The following ARHGAP36 variants were observed in gnomAD, a reference collection of about 807,000 sequenced individuals.
ARHGAP36 encodes the protein rho GTPase-activating protein 36.
Under a neutral mutation model 32.9 loss-of-function variants are expected in ARHGAP36, and 7 were observed. The observed-to-expected ratio is 0.21, with a 90% CI of 0.12 to 0.40. The LOEUF (loss-of-function observed/expected upper bound fraction) is 0.40. Among genes scored for constraint, ARHGAP36 ranks in the 10% least tolerant of loss-of-function variants. ARHGAP36 has a pLI of 1.00. For missense variants in ARHGAP36, 383 were observed against 442.2 expected (o/e 0.87, Z 1.20); for synonymous variants, 165 against 168.3 (o/e 0.98, Z 0.15).
chrX:131,083,322 C>T (rs752433757), intron 3 of ARHGAP36, 92 bp downstream of exon 3: 80 of 910,515 alleles, frequency 8.8e-5, no homozygotes, highest in Non-Finnish European at 8.3e-5. Flanking sequence ...GGGTGGCGTC[C>T]ACTGTCCCAG....
chrX:131,073,309 G>A (rs1417890721), intron 1 of ARHGAP36, among the ~76,000 whole-genome samples: 1 of 112,867 alleles, frequency 8.9e-6, no homozygotes, highest in Non-Finnish European at 1.9e-5. Flanking sequence ...CAGGACCCGC[G>A]CAGCGCACCT....
At chrX:131,061,389 G>A (rs1321588252) in intron 1 of ARHGAP36, among the ~76,000 whole-genome samples, 1 of 110,582 alleles carries the variant, frequency 9.0e-6, no homozygotes, top group Non-Finnish European at 1.9e-5. Flanking sequence ...CTGAGGTCTG[G>A]GAGGAATGAG....
chrX:131,081,642 C>T lies in ARHGAP36; in HGVS notation c.-24C>T, dbSNP rs1952116489. The T allele has an allele frequency of 8.6e-7, 1 of 1,163,323 alleles. No individual in the cohort carries two copies. On this transcript the variant is annotated 5_prime_UTR_variant, in exon 2 of 12. Transcript: ENST00000276211. ...GTCCAGTGACAATTGGATGATGCAG[C>T]CTTGATAATCATCCGATTCCAGAAT...
chrX:131,084,621 T>A lies in ARHGAP36; in HGVS notation c.749-5T>A. The A allele has an allele frequency of 8.3e-7, 1 of 1,211,430 alleles. No individual in the cohort carries two copies. Among genetic ancestry groups the A allele is most frequent in the Non-Finnish European group, 1.1e-6 (1 of 895,311 alleles). On this transcript the variant is annotated splice_polypyrimidine_tract_variant and splice_region_variant and intron_variant, in intron 5 of 11. Transcript: ENST00000276211. The stretch of plus-strand genomic sequence containing the variant: ...TGCTTAGCATCCCCTGGTCTTTTCT[T>A]TCAGGCTTAAGCGCAGTGGGGATTT...
chrX:131,083,095 C>T, intron 2 of ARHGAP36, 70 bp from the exon 3 acceptor site: 1 of 1,052,830 alleles, frequency 9.5e-7, no homozygotes, highest in Non-Finnish European at 1.3e-6. Context: ...CAGATCAGGG[C>T]ATTGGGATGT....
intron 1 of ARHGAP36, among the ~76,000 whole-genome samples, chrX:131,072,688 C>T (rs970547961): frequency 1.8e-5 from 2 of 111,552 alleles, no homozygotes; most frequent in African/African-American, 3.3e-5. Flanking sequence ...AGGGAAGGGA[C>T]CCTTGGGCTG....
At chrX:131,063,852 GTCT>G (rs931311953) in intron 1 of ARHGAP36, among the ~76,000 whole-genome samples, 30 of 110,898 alleles carry the variant, frequency 2.7e-4, no homozygotes, top group African/African-American at 9.5e-4. Flanking sequence ...TCAGATTGGG[GTCT>G]TCTTCCACTT....
At chrX:131,085,527 T>C in intron 7 of ARHGAP36, 61 bp from the exon 8 acceptor site, 3 of 1,149,554 alleles carry the variant, frequency 2.6e-6, no homozygotes, top group Non-Finnish European at 3.5e-6. Context: ...CTCACCTCCC[T>C]TGGTATCAGT....
chrX:131,077,651 GT>G (rs1372923596), intron 1 of ARHGAP36, among the ~76,000 whole-genome samples: 3 of 109,059 alleles, frequency 2.8e-5, no homozygotes, highest in Non-Finnish European at 5.7e-5. Context: ...ATTCAAGTGT[GT>G]TTCCCCTTTT....
chrX:131,077,922 T>C (rs1188326292), intron 1 of ARHGAP36, among the ~76,000 whole-genome samples: 3 of 108,926 alleles, frequency 2.8e-5, no homozygotes, highest in Non-Finnish European at 5.7e-5. Context: ...AGTTAGTTTT[T>C]CTAAATTTTA....
At chrX:131,061,782 AT>A (rs2079670371) in intron 1 of ARHGAP36, among the ~76,000 whole-genome samples, 1 of 111,639 alleles carries the variant, frequency 9.0e-6, no homozygotes, top group African/African-American at 3.3e-5. Context: ...CTCAAAATAC[AT>A]TTCTCCCAAA....
At chrX:131,066,449 G>A (rs1344037108) in intron 1 of ARHGAP36, among the ~76,000 whole-genome samples, 1 of 111,849 alleles carries the variant, frequency 8.9e-6, no homozygotes, top group African/African-American at 3.3e-5. Flanking sequence ...AGAGCTCCCA[G>A]AACTGGAGCT....
At position 131,083,761 on chromosome X, in the gene ARHGAP36, G is replaced by A. The variant is rs1373589834; in HGVS notation, c.347G>A (p.Ser116Asn). Reference protein sequence around the residue: ...RAVSHKTFGISLEEVLVNEFT... With the variant: ...RAVSHKTFGINLEEVLVNEFT... ...GTATCACACAAGACATTTGGCATTA[G>A]CCTGGAAGAGGTCCTGGTGAACGAG... Residue 116 changes from serine to asparagine, a missense_variant, in exon 4 of 12, where the codon AGC becomes AAC. Transcript: ENST00000276211. 6.6e-6 allele frequency: 8 copies of A among 1,211,692 alleles called. No individual in the cohort carries two copies. The South Asian group carries it at 8.8e-5, about 13-fold the overall frequency.
intron 1 of ARHGAP36, among the ~76,000 whole-genome samples, chrX:131,080,248 G>A (rs926810800): frequency 2.7e-5 from 3 of 110,634 alleles, no homozygotes; most frequent in African/African-American, 9.9e-5. Flanking sequence ...GTTCTCTCTG[G>A]ATGCTCCCCT....
intron 1 of ARHGAP36, among the ~76,000 whole-genome samples, chrX:131,069,135 C>G (rs769289506): frequency 8.9e-6 from 1 of 111,987 alleles, no homozygotes; most frequent in African/African-American, 3.2e-5. Flanking sequence ...CCGCACAGCC[C>G]CTGTGAGAAT....
At chrX:131,064,239 G>T (rs1011630650) in intron 1 of ARHGAP36, among the ~76,000 whole-genome samples, 16 of 112,089 alleles carry the variant, frequency 1.4e-4, no homozygotes, top group African/African-American at 5.2e-4. Flanking sequence ...TTCCTGTGTG[G>T]AGTATTACAT....
chrX:131,080,810 A>C (rs1325309989), intron 1 of ARHGAP36, among the ~76,000 whole-genome samples: 1 of 112,124 alleles, frequency 8.9e-6, no homozygotes, highest in Admixed American at 9.3e-5. Flanking sequence ...AGAGAAAAGC[A>C]ACAGGCAAAC....
intron 1 of ARHGAP36, among the ~76,000 whole-genome samples, chrX:131,066,871 G>A (rs1407495804): frequency 2.7e-5 from 3 of 111,942 alleles, no homozygotes; most frequent in Non-Finnish European, 3.8e-5. Flanking sequence ...AGGAGATAAT[G>A]CATGTCAGAA....
intron 1 of ARHGAP36, among the ~76,000 whole-genome samples, chrX:131,079,557 T>TTTTG (rs2079783739): frequency 1.7e-5 from 1 of 59,263 alleles, no homozygotes; most frequent in Non-Finnish European, 3.9e-5. Flanking sequence ...TGTTTTTTGT[T>TTTTG]TTTTGTTTTT....
Sources: gnomAD v4.1 joint callset for allele counts (sites outside exome capture counted in the v4.1 genomes callset) on GRCh38, gnomAD v4.1.1 for gene constraint, MANE v1.5 for transcripts, NCBI Gene and HGNC (gene_info 2026-07-23, HGNC 2026-07-21) for gene names.